WDR33: variants seen among roughly 807,000 people sequenced by gnomAD.
WDR33 encodes pre-mRNA 3' end processing protein WDR33.
WDR33 carries 47 observed loss-of-function variants against 164.9 expected under a neutral mutation model. That is an observed-to-expected ratio of 0.29 (90% CI 0.23 to 0.36). The LOEUF is 0.36. WDR33 is among the 10% of genes least tolerant of loss of function. The pLI is 1.00. For missense variants in WDR33, 1,137 were observed against 1,754.1 expected, an observed-to-expected ratio of 0.65 and a Z score of 6.28; for synonymous variants, 505 against 589.0, an observed-to-expected ratio of 0.86 and a Z score of 2.06.
chr2:127,757,589 C>T (rs1386485788), intron 7 of WDR33, among the ~76,000 whole-genome samples: 1 of 151,992 alleles, frequency 6.6e-6, no homozygotes, highest in African/African-American at 2.4e-5. Flanking sequence ...GCTTTTAATA[C>T]TAAAAGCATG....
rs568089969 is a variant in WDR33 at position 127,809,307 on chromosome 2, G to A, written c.-24+1705C>T. The stretch of plus-strand genomic sequence containing the variant: ...AAGCCTTACGTCAATATAAAACCGT[G>A]ATGGCAAAATCTGTTTAGTATTTTT... On this transcript the variant is annotated intron_variant, in intron 1 of 21. Coordinates refer to ENST00000322313, the MANE Select transcript of WDR33 (RefSeq NM_018383.5). Among the ~76,000 whole-genome samples the A allele has an allele frequency of 2.4e-4, 37 of 151,808 alleles. 2 individuals are homozygous for A. The highest frequency in any genetic ancestry group is 2.4e-3 in the Admixed American group (37 of 15,226).
intron 21 of WDR33, among the ~76,000 whole-genome samples, chr2:127,707,229 T>TAAAAAAAAA (rs200273049): frequency 3.3e-5 from 4 of 122,578 alleles, no homozygotes; most frequent in Non-Finnish European, 5.2e-5. Context: ...AGAATATATT[T>TAAAAAAAAA]AAAAAAAAAA....
chr2:127,768,874 G>C, intron 3 of WDR33, 59 bp downstream of exon 3: 3 of 1,333,408 alleles, frequency 2.2e-6, no homozygotes, highest in Non-Finnish European at 3.2e-6. Flanking sequence ...CACAGTGAAG[G>C]CTAAAATATT....
intron 7 of WDR33, among the ~76,000 whole-genome samples, chr2:127,761,354 C>T (rs776802624): frequency 3.3e-5 from 5 of 151,954 alleles, no homozygotes; most frequent in African/African-American, 7.2e-5. Context: ...GCGCCCACCA[C>T]GACACCCAGC....
At position 127,792,663 on chromosome 2, in the gene WDR33, G is replaced by A. The variant is rs1364592798; in HGVS notation, c.-24+18349C>T. Among the ~76,000 whole-genome samples, 4 of 151,342 alleles carry A rather than the reference G, an allele frequency of 2.6e-5. 1 individual carries two copies. The highest frequency in any genetic ancestry group is 4.4e-5 in the Non-Finnish European group (3 of 67,902). On this transcript the variant is annotated intron_variant, in intron 1 of 21. Coordinates refer to ENST00000322313, the MANE Select transcript of WDR33 (RefSeq NM_018383.5). ...AACTCCAGACTGGGCAAAAAAGAGT[G>A]AGACCCCGTCTCAAAAAGAAAAAAA...
intron 7 of WDR33, among the ~76,000 whole-genome samples, chr2:127,731,630 G>A (rs529996109): frequency 6.6e-6 from 1 of 152,268 alleles, no homozygotes; most frequent in Non-Finnish European, 1.5e-5. Context: ...GAAAATTAAG[G>A]TAAAGACATA....
intron 1 of WDR33, among the ~76,000 whole-genome samples, chr2:127,808,086 C>G (rs1479753218): frequency 6.6e-6 from 1 of 152,090 alleles, no homozygotes; most frequent in Non-Finnish European, 1.5e-5. Context: ...ATTAACTTAT[C>G]AGAGGAATGA....
Position 127,719,423 on chromosome 2 carries a change from A to C in WDR33, c.2602T>G (p.Ser868Ala). The C allele has an allele frequency of 6.5e-7, 1 of 1,544,006 alleles. No individual in the cohort carries two copies. The highest frequency in any genetic ancestry group is 8.7e-7 in the Non-Finnish European group (1 of 1,147,206). The change falls in exon 16 of 22, where the codon TCT becomes GCT. Residue 868 changes from serine (S) to alanine (A), a missense_variant. Physicochemically the swap from Ser to Ala is moderately conservative, Grantham distance 99. Around this residue, in one of 9 missense-constraint regions of WDR33, gnomAD observed 867 missense variants for 1,073.0 expected, o/e 0.81. Transcript: ENST00000322313. This position sits in a 1 kb window ranked among gnomAD's most constrained non-coding sequence, Gnocchi z 6.5. ...CCACCCTGGGGTGGAGGTCCTAAAG[A>C]GCCCTGGGGCGGCCCCTGCTGACTT... ...SQSQQGPPQG[S>A]LGPPPQGGMQ...
intron 1 of WDR33, among the ~76,000 whole-genome samples, chr2:127,799,287 A>G (rs1392075376): frequency 6.6e-6 from 1 of 152,176 alleles, no homozygotes; most frequent in East Asian, 1.9e-4. Context: ...CAATGACACC[A>G]TAAAAAAATC....
Position 127,708,886 on chromosome 2 carries a change from C to A in WDR33, c.3572G>T (p.Gly1191Val). 1 of 1,557,584 alleles carries A rather than the reference C, an allele frequency of 6.4e-7. No individual in the cohort carries two copies. The highest frequency in any genetic ancestry group is 1.2e-5 in the South Asian group (1 of 83,482). Residue 1191 changes from glycine (G) to valine (V), a missense_variant, in exon 21 of 22, where the codon GGT (glycine) becomes GTT (valine). Around this residue, in one of 9 missense-constraint regions of WDR33, gnomAD observed 867 missense variants for 1,073.0 expected, o/e 0.81. Coordinates refer to ENST00000322313, the MANE Select transcript of WDR33 (RefSeq NM_018383.5). The surrounding 1 kb of genome is among the most constrained non-coding windows in gnomAD (Gnocchi z 6.7). ...SWDGNREPGP[G>V]HEHFRDTPRP... is the part of the protein sequence containing the mutation. ...GGGAGTATCACGAAAATGTTCATGA[C>A]CTGGCCCTGAAACAAGAAACAAATC...
rs1249272176 is a variant in WDR33, at chr2:127,713,715, C to CTG, written c.3174_3175dup (p.Arg1059ThrfsTer223). ...CCGGCCATCCCCCTCGCTGAATTCC[C>CTG]TGTGATCAGGGGGAAACGGAGGCCC... is the stretch of plus-strand genomic sequence containing the variant. On this transcript the variant is annotated frameshift_variant, in exon 18 of 22. Transcript: ENST00000322313. LOFTEE classifies it high-confidence loss of function. The surrounding 1 kb of genome is among the most constrained non-coding windows in gnomAD (Gnocchi z 6.2). 3 of 1,614,248 alleles carry CTG rather than the reference C, an allele frequency of 1.9e-6. No homozygotes were observed. The highest frequency in any genetic ancestry group is 2.5e-6 in the Non-Finnish European group (3 of 1,180,014).
chr2:127,806,162 T>C (rs1198564288), intron 1 of WDR33, among the ~76,000 whole-genome samples: 2 of 151,080 alleles, frequency 1.3e-5, no homozygotes, highest in Admixed American at 6.6e-5. Flanking sequence ...ATAAAATAAA[T>C]TAAAATGCTT....
In WDR33 at chr2:127,719,382, G is replaced by A. The variant is rs766500098; in HGVS notation, c.2643C>T (p.Pro881=). 1.5e-5 allele frequency: 23 copies of A among 1,517,772 alleles called. No individual in the cohort carries two copies. Among genetic ancestry groups the A allele is most frequent in the Middle Eastern group, 1.8e-4 (1 of 5,622 alleles). 94.0% of individuals were successfully genotyped at this position (1,517,772 alleles called of 1,614,324 possible). Residue 881 remains proline (P), a synonymous_variant, in exon 16 of 22, where the codon CCC becomes CCT. Coordinates refer to ENST00000322313, the MANE Select transcript of WDR33 (RefSeq NM_018383.5). This position sits in a 1 kb window ranked among gnomAD's most constrained non-coding sequence, Gnocchi z 6.5. ...CTGGGTTCTGCTGTCCCTGAGGTCC[G>A]GGGGGTCCTTGCATGCCACCCTGGG... The part of the protein sequence containing the change: ...PPPQGGMQGP[P]GPQGQQNPAR...
intron 1 of WDR33, among the ~76,000 whole-genome samples, chr2:127,807,063 T>C (rs1224769562): frequency 2.0e-5 from 3 of 152,112 alleles, no homozygotes; most frequent in African/African-American, 7.2e-5. Flanking sequence ...TGAAGTACAA[T>C]GCGCAATCTC....
chr2:127,758,158 T>C (rs1451246380), intron 7 of WDR33, among the ~76,000 whole-genome samples: 2 of 152,192 alleles, frequency 1.3e-5, no homozygotes, highest in African/African-American at 4.8e-5. Context: ...ATACATTCAC[T>C]ATAACCTCTA....
Position 127,726,509 on chromosome 2 carries a change from T to C in WDR33, c.851+142A>G. On this transcript the variant is annotated intron_variant, in intron 8 of 21. Coordinates refer to ENST00000322313, the MANE Select transcript of WDR33 (RefSeq NM_018383.5). This position sits in a 1 kb window ranked among gnomAD's most constrained non-coding sequence, Gnocchi z 4.8. ...TCAGAGATGAATCATATTTAATTCA[T>C]AAGAAGTCTATAGATCCAAGTCCAT... The C allele has an allele frequency of 8.8e-7, 1 of 1,132,888 alleles. No individual in the cohort carries two copies. The highest frequency in any genetic ancestry group is 1.7e-5 in the South Asian group (1 of 60,314). The allele number at this position is 1,132,888 out of a possible 1,614,324, so 70.2% of individuals were successfully genotyped here. A position where few individuals can be genotyped will look rare whatever the true frequency, so the allele number is the denominator to read the frequency against.
At chr2:127,736,455 A>G (rs1686845695) in intron 7 of WDR33, 5 of 985,446 alleles carry the variant, frequency 5.1e-6, no homozygotes, top group Non-Finnish European at 6.0e-6. Flanking sequence ...TGAAATGTAT[A>G]GTGTCAGGAG....
chr2:127,749,166 T>A (rs1687246349), intron 7 of WDR33, among the ~76,000 whole-genome samples: 1 of 152,220 alleles, frequency 6.6e-6, no homozygotes, highest in Admixed American at 6.5e-5. Context: ...TGACATCTTG[T>A]ATCTATTAAA....
intron 7 of WDR33, among the ~76,000 whole-genome samples, chr2:127,750,764 A>G (rs2105415981): frequency 7.2e-6 from 1 of 139,384 alleles, no homozygotes; most frequent in Admixed American, 7.2e-5. Flanking sequence ...GTATACATAC[A>G]TATATATACA....
Sources: gnomAD v4.1 joint callset for allele counts (sites outside exome capture counted in the v4.1 genomes callset) on GRCh38, gnomAD v4.1.1 for gene constraint, gnomAD v4.1.1 regional missense constraint, Gnocchi (gnomAD v3.1) non-coding constraint, MANE v1.5 for transcripts, NCBI Gene and HGNC (gene_info 2026-07-23, HGNC 2026-07-21) for gene names.